The following NR3C1 variants were observed in gnomAD, a reference collection of about 807,000 sequenced individuals.
NR3C1 encodes the protein glucocorticoid receptor.
In NR3C1, 14 loss-of-function variants were observed where a neutral mutation model predicts 74.0. The ratio of observed to expected loss-of-function variants is 0.19; its 90% CI spans 0.12 to 0.30. The LOEUF is 0.30. Ranked by LOEUF, NR3C1 falls within the 10% of genes least tolerant of loss-of-function variation. NR3C1 has a pLI of 1.00. For synonymous variants in NR3C1, 308 were observed against 332.5 expected (o/e 0.93, Z 0.80); for missense variants, 695 against 909.8 (o/e 0.76, Z 3.04).
chr5:143,405,384 A>G (rs1426253735), upstream of NR3C1: 3 of 982,638 alleles, frequency 3.1e-6, no homozygotes, highest in East Asian at 1.1e-4. Context: ...GACATCTTGA[A>G]GACGATTGGG....
intron 1 of NR3C1, among the ~76,000 whole-genome samples, chr5:143,414,986 T>C (rs1200500848): frequency 6.6e-6 from 1 of 152,146 alleles, no homozygotes; most frequent in Non-Finnish European, 1.5e-5. Flanking sequence ...GAAGAGAGAT[T>C]GGGGCCATCC....
intron 2 of NR3C1, among the ~76,000 whole-genome samples, chr5:143,335,982 G>A (rs1422555322): frequency 6.6e-6 from 1 of 152,154 alleles, no homozygotes. Context: ...CCCCATATTC[G>A]CTTCTAACAG....
intron 2 of NR3C1, among the ~76,000 whole-genome samples, chr5:143,383,630 C>G (rs998616018): frequency 1.3e-5 from 2 of 152,132 alleles, no homozygotes; most frequent in Non-Finnish European, 2.9e-5. Flanking sequence ...ATAAGTGGCA[C>G]TAAATTGGTC....
At chr5:143,313,753 G>A (rs1821462570) in intron 3 of NR3C1, among the ~76,000 whole-genome samples, 1 of 152,046 alleles carries the variant, frequency 6.6e-6, no homozygotes, top group Non-Finnish European at 1.5e-5. Context: ...CTTTCTTATA[G>A]TGTTACCTTA....
Position 143,279,500 on chromosome 5 carries a change from C to T in NR3C1, c.*2389G>A. The T allele has an allele frequency of 7.4e-7, 1 of 1,351,222 alleles. No homozygotes were observed. The highest frequency in any genetic ancestry group is 9.7e-7 in the Non-Finnish European group (1 of 1,035,042). The allele number at this position is 1,351,222 out of a possible 1,614,324, so 83.7% of individuals were successfully genotyped here. A position where few individuals can be genotyped will look rare whatever the true frequency, so the allele number is the denominator to read the frequency against. ...AGAATATTCAAGCAGTTTTCTTAGG[C>T]ACCAAAAATTTATCCAGCCGGGTTA... is the stretch of plus-strand genomic sequence containing the variant. On this transcript the variant is annotated 3_prime_UTR_variant, in exon 9 of 9. Coordinates refer to ENST00000394464, the MANE Select transcript of NR3C1 (RefSeq NM_000176.3).
At chr5:143,324,277 C>T (rs1157979194) in intron 2 of NR3C1, among the ~76,000 whole-genome samples, 2 of 152,244 alleles carry the variant, frequency 1.3e-5, no homozygotes, top group African/African-American at 2.4e-5. Context: ...TGTTTCCATA[C>T]GTCTTCTAAA....
intron 2 of NR3C1, among the ~76,000 whole-genome samples, chr5:143,355,444 C>A (rs1830961072): frequency 6.6e-6 from 1 of 152,050 alleles, no homozygotes; most frequent in South Asian, 2.1e-4. Flanking sequence ...CCACTGTGCT[C>A]CAGCCTGGGT....
intron 2 of NR3C1, among the ~76,000 whole-genome samples, chr5:143,360,443 C>G (rs111257051): frequency 6.6e-6 from 1 of 152,080 alleles, no homozygotes; most frequent in African/African-American, 2.4e-5. Flanking sequence ...TTCAAGATGG[C>G]AATTTAAAAG....
At chr5:143,313,981 A>T in intron 3 of NR3C1, 21 bp downstream of exon 3, 2 of 1,612,558 alleles carry the variant, frequency 1.2e-6, no homozygotes, top group Non-Finnish European at 1.7e-6. Flanking sequence ...GGAAAAATAA[A>T]CTCTTCAAAA....
chr5:143,284,246 C>T (rs752260357), intron 7 of NR3C1, among the ~76,000 whole-genome samples: 6 of 152,076 alleles, frequency 3.9e-5, no homozygotes, highest in South Asian at 2.1e-4. Context: ...CATGCCCAGC[C>T]GAGTAGTCTT....
intron 2 of NR3C1, among the ~76,000 whole-genome samples, chr5:143,368,897 T>A (rs1307200980): frequency 6.6e-6 from 1 of 152,144 alleles, no homozygotes; most frequent in Non-Finnish European, 1.5e-5. Flanking sequence ...GCTGGAGGAC[T>A]CTCTGCAGAG....
intron 2 of NR3C1, among the ~76,000 whole-genome samples, chr5:143,352,874 AT>A (rs1296230630): frequency 6.6e-6 from 1 of 152,064 alleles, no homozygotes; most frequent in Non-Finnish European, 1.5e-5. Context: ...GGCTGTGGCA[AT>A]TTCTTAAAGT....
chr5:143,287,202 CAAA>C (rs1220151084), intron 7 of NR3C1, among the ~76,000 whole-genome samples: 1 of 151,278 alleles, frequency 6.6e-6, no homozygotes, highest in African/African-American at 2.4e-5. Context: ...ACATAGGAAA[CAAA>C]AAGAGAAAAT....
At chr5:143,340,910 T>C (rs1828092974) in intron 2 of NR3C1, among the ~76,000 whole-genome samples, 1 of 152,180 alleles carries the variant, frequency 6.6e-6, no homozygotes, top group African/African-American at 2.4e-5. Flanking sequence ...GTTGTACATA[T>C]TATTTCATCA....
chr5:143,311,788 G>GTTT (rs34827388), intron 3 of NR3C1, among the ~76,000 whole-genome samples: 6 of 119,396 alleles, frequency 5.0e-5, no homozygotes, highest in Admixed American at 1.7e-4. Flanking sequence ...CCTGGATAAC[G>GTTT]TTTTTTTTTT....
At chr5:143,301,787 C>T (rs1561511738) in intron 4 of NR3C1, among the ~76,000 whole-genome samples, 1 of 151,968 alleles carries the variant, frequency 6.6e-6, no homozygotes, top group African/African-American at 2.4e-5. Context: ...TGTAAATCAC[C>T]TTTAAAAATC....
chr5:143,290,451 T>C (rs1815619044), intron 7 of NR3C1, among the ~76,000 whole-genome samples: 1 of 152,274 alleles, frequency 6.6e-6, no homozygotes, highest in Admixed American at 6.5e-5. Context: ...CTATGCAAAG[T>C]AGATCCTTTT....
rs1324146214 is a variant in NR3C1, at chr5:143,400,188, A to C, written c.652T>G (p.Leu218Val). ...TNESPWRSDL[L>V]IDENCLLSPL... ...GAAAGCAAACAGTTTTCATCTATCAACAGGTCTGATCTCCAAGGACTCTCA... is the reference window on the plus strand; with the variant it reads ...GAAAGCAAACAGTTTTCATCTATCACCAGGTCTGATCTCCAAGGACTCTCA... The change falls in exon 2 of 9, where the codon TTG becomes GTG. Residue 218 changes from leucine (L) to valine (V), a missense_variant. Leu to Val is a conservative substitution (Grantham distance 32). Around this residue, in one of 4 missense-constraint regions of NR3C1, gnomAD observed 497 missense variants for 489.5 expected, o/e 1.02. Transcript: ENST00000394464. The C allele has an allele frequency of 1.2e-6, 2 of 1,613,690 alleles. No individual in the cohort carries two copies. Among genetic ancestry groups the C allele is most frequent in the Admixed American group, 1.7e-5 (1 of 59,926 alleles).
At chr5:143,397,219 A>G (rs1470770020) in intron 2 of NR3C1, among the ~76,000 whole-genome samples, 1 of 151,888 alleles carries the variant, frequency 6.6e-6, no homozygotes, top group East Asian at 1.9e-4. Context: ...GGCATTTTAA[A>G]AAGTCAAATT....
Sources: gnomAD v4.1 joint callset for allele counts (sites outside exome capture counted in the v4.1 genomes callset) on GRCh38, gnomAD v4.1.1 for gene constraint, gnomAD v4.1.1 regional missense constraint, MANE v1.5 for transcripts, NCBI Gene and HGNC (gene_info 2026-07-23, HGNC 2026-07-21) for gene names.